The following SLC6A12 variants were observed in gnomAD, a reference collection of about 807,000 sequenced individuals.
SLC6A12 encodes the protein solute carrier family 6 member 12.
A neutral mutation model predicts 73.3 loss-of-function variants in SLC6A12; 50 were observed. The ratio of observed to expected loss-of-function variants is 0.68; its 90% CI spans 0.54 to 0.86. The LOEUF is 0.86. Among genes scored for constraint, SLC6A12 ranks in the 40% least tolerant of loss-of-function variants. The pLI, the probability that SLC6A12 is intolerant of heterozygous loss-of-function variation, is 0.00. For synonymous variants in SLC6A12, 304 were observed against 309.2 expected (o/e 0.98, Z 0.18); for missense variants, 648 against 772.8 (o/e 0.84, Z 1.92).
rs1474224971 is a variant in SLC6A12 at position 198,664 on chromosome 12, A to G, written c.846+133T>C. The G allele has an allele frequency of 1.4e-6, 1 of 703,268 alleles. No homozygotes were observed. The highest frequency in any genetic ancestry group is 2.7e-5 in the East Asian group (1 of 37,104). The allele number at this position is 703,268 out of a possible 1,614,324, so 43.6% of individuals were successfully genotyped here. On this transcript the variant is annotated intron_variant, in intron 8 of 15. Transcript: ENST00000684302. The surrounding 1 kb of genome is among the most constrained non-coding windows in gnomAD (Gnocchi z 4.0). Reference sequence around the variant, plus strand: ...AGTTTCTTTTTTATAGCTTTCTTCCATATTTTCTAATTTATCTCCAGTGGG... The same window carrying G: ...AGTTTCTTTTTTATAGCTTTCTTCCGTATTTTCTAATTTATCTCCAGTGGG...
chr12:199,126 A>T, intron 7 of SLC6A12, 195 bp from the exon 8 acceptor site: 3 of 474,652 alleles, frequency 6.3e-6, no homozygotes, highest in East Asian at 3.9e-5. Context: ...AGGGTGTGAG[A>T]TACACATCAG....
chr12:187,589 C>CAACAAAA (rs1939453773), downstream of SLC6A12, among the ~76,000 whole-genome samples: 1 of 106,074 alleles, frequency 9.4e-6, no homozygotes, highest in African/African-American at 5.3e-5. Context: ...TGCAAAAGAG[C>CAACAAAA]AAAAAAAAAA....
chr12:202,972 A>T, intron 4 of SLC6A12, 92 bp from the exon 5 acceptor site: 1 of 1,066,852 alleles, frequency 9.4e-7, no homozygotes, highest in Non-Finnish European at 1.4e-6. Flanking sequence ...TTACAAGGGT[A>T]TTGGGTGCTA....
intron 3 of SLC6A12, among the ~76,000 whole-genome samples, chr12:206,683 T>C (rs1434673665): frequency 1.3e-5 from 2 of 152,244 alleles, no homozygotes; most frequent in East Asian, 1.9e-4. Flanking sequence ...TTGAACCCCA[T>C]GTTTGCCTTT....
chr12:195,350 G>C, intron 12 of SLC6A12, 23 bp from the exon 13 acceptor site: 1 of 1,484,694 alleles, frequency 6.7e-7, no homozygotes, highest in African/African-American at 1.4e-5. Flanking sequence ...CGTGGAGCTG[G>C]GGCATGGCCA....
chr12:200,561 A>T, intron 7 of SLC6A12, 90 bp downstream of exon 7: 1 of 1,391,820 alleles, frequency 7.2e-7, no homozygotes, highest in Non-Finnish European at 9.9e-7. Context: ...TTCTTAATAG[A>T]AAGAAATCAG....
At chr12:184,028 G>A in the SLC6A12 span, among the ~76,000 whole-genome samples, 7 of 152,058 alleles carry the variant, frequency 4.6e-5, no homozygotes, top group African/African-American at 1.7e-4. Context: ...AACCAATCTT[G>A]TTTATGGGCA....
rs1939563544 is a variant in SLC6A12 at position 190,853 on chromosome 12, G to T, written c.*215C>A. 1 of 382,492 alleles carries T rather than the reference G, an allele frequency of 2.6e-6. No individual in the cohort carries two copies. The highest frequency in any genetic ancestry group is 4.6e-5 in the Admixed American group (1 of 21,896). 23.7% of individuals were successfully genotyped at this position (382,492 alleles called of 1,614,324 possible). A position where few individuals can be genotyped will look rare whatever the true frequency, so the allele number is the denominator to read the frequency against. On this transcript the variant is annotated 3_prime_UTR_variant, in exon 16 of 16. Coordinates refer to ENST00000684302, the MANE Select transcript of SLC6A12 (RefSeq NM_001122848.3). ...CCACAGGGAGTGGCGTCCCAACATG[G>T]CACGTCCCAGTGGTGGTGTTATCAG...
intron 5 of SLC6A12, among the ~76,000 whole-genome samples, 181 bp downstream of exon 5, chr12:202,559 G>A (rs78665293): frequency 2.1e-3 from 317 of 152,282 alleles, no homozygotes; most frequent in African/African-American, 7.0e-3. Context: ...ACACTGACTC[G>A]TCCGAGTGGC....
At chr12:194,057 A>G (rs937497535) in intron 13 of SLC6A12, 2 of 152,048 alleles carry the variant, frequency 1.3e-5, no homozygotes, top group African/African-American at 4.8e-5. Context: ...CTACCTTCCC[A>G]CCCAAAATAC....
chr12:186,624 G>A (rs184545129), downstream of SLC6A12, among the ~76,000 whole-genome samples: 2 of 152,204 alleles, frequency 1.3e-5, no homozygotes, highest in African/African-American at 2.4e-5. Flanking sequence ...TGCTGCTGTT[G>A]ACCATTAGTG....
intron 10 of SLC6A12, among the ~76,000 whole-genome samples, chr12:197,146 C>CATCTATCCATCCATCCATCT (rs1163402557): frequency 1.0e-5 from 1 of 95,450 alleles, no homozygotes; most frequent in Admixed American, 1.1e-4. Context: ...TCCATCCATC[C>CATCTATCCATCCATCCATCT]ATCCATCCAT....
intron 1 of SLC6A12, 31 bp from the exon 2 acceptor site, chr12:212,141 G>C (rs893037343): frequency 1.3e-5 from 2 of 152,202 alleles, no homozygotes; most frequent in Non-Finnish European, 2.9e-5. Flanking sequence ...TGCTCAAAGG[G>C]GTTTTCGGAG....
chr12:201,604 TC>T, intron 6 of SLC6A12, 157 bp downstream of exon 6: 1 of 635,762 alleles, frequency 1.6e-6, no homozygotes, highest in Non-Finnish European at 2.9e-6. Context: ...GAGAGCGTTC[TC>T]CCCTGCCTCA....
At chr12:192,095 G>A (rs1377119323) in intron 15 of SLC6A12, among the ~76,000 whole-genome samples, 1 of 152,188 alleles carries the variant, frequency 6.6e-6, no homozygotes, top group African/African-American at 2.4e-5. Context: ...TGTGTGGAGT[G>A]AACTGTGCTT....
chr12:199,587 A>G (rs1257946583), intron 7 of SLC6A12: 1 of 152,254 alleles, frequency 6.6e-6, no homozygotes, highest in East Asian at 1.9e-4. Context: ...TGCTGTTATT[A>G]CTACGATGAT....
In SLC6A12 at chr12:196,163, G is replaced by A. The variant is rs144569006; in HGVS notation, c.1287C>T (p.Ala429=). 62 of 1,572,762 alleles carry A rather than the reference G, an allele frequency of 3.9e-5. No homozygotes were observed. In the African/African-American group the frequency reaches 5.6e-4, roughly 14 times the overall value. ...AAAGCCCTATCAGGTAGCACATGAC[G>A]GCGATGGTGAGGATGAGGAGCTCGC... The part of the protein sequence containing the change: ...GRRELLILTI[A]VMCYLIGLFL... The change falls in exon 12 of 16, where the codon GCC becomes GCT. Residue 429 remains alanine (A), a synonymous_variant. Transcript: ENST00000684302.
At chr12:201,021 GGA>G (rs200179327) in intron 6 of SLC6A12, among the ~76,000 whole-genome samples, 5 of 152,058 alleles carry the variant, frequency 3.3e-5, no homozygotes, top group Non-Finnish European at 5.9e-5. Flanking sequence ...ACAGAAAGAT[GGA>G]GAGAGAGAGA....
chr12:191,245 T>C, intron 15 of SLC6A12, 34 bp from the exon 16 acceptor site: 5 of 1,257,522 alleles, frequency 4.0e-6, no homozygotes, highest in Middle Eastern at 2.1e-4. Context: ...TTGGAGCTGA[T>C]GGTGAGGGAG....
Sources: gnomAD v4.1 joint callset for allele counts (sites outside exome capture counted in the v4.1 genomes callset) on GRCh38, gnomAD v4.1.1 for gene constraint, Gnocchi (gnomAD v3.1) non-coding constraint, MANE v1.5 for transcripts, NCBI Gene and HGNC (gene_info 2026-07-23, HGNC 2026-07-21) for gene names.